Variants in SMC6 observed in about 807,000 individuals in gnomAD.
SMC6 encodes structural maintenance of chromosomes protein 6.
A neutral mutation model predicts 142.2 loss-of-function variants in SMC6; 79 were observed. The ratio of observed to expected loss-of-function variants is 0.56; its 90% confidence interval spans 0.46 to 0.67. The LOEUF (loss-of-function observed/expected upper bound fraction) is 0.67. SMC6 is among the 30% of genes least tolerant of loss of function. The probability of loss-of-function intolerance (pLI) is 0.00; values close to 1 mark genes in which losing one functional copy is unlikely to be tolerated. For synonymous variants in SMC6, 411 were observed against 412.4 expected, an observed-to-expected ratio of 1.00 and a Z score of 0.04; for missense variants, 1,072 against 1,284.0, an observed-to-expected ratio of 0.83 and a Z score of 2.52.
chr2:17,751,749 G>C (rs935462422), intron 2 of SMC6, among the ~76,000 whole-genome samples: 1 of 152,188 alleles, frequency 6.6e-6, no homozygotes, highest in Non-Finnish European at 1.5e-5. Flanking sequence ...TGGACTTATC[G>C]TTGTGTATAA....
chr2:17,676,654 A>G (rs115784441), intron 25 of SMC6, among the ~76,000 whole-genome samples: 488 of 152,216 alleles, frequency 3.2e-3, no homozygotes, highest in African/African-American at 0.011. Flanking sequence ...TTACTTCTTA[A>G]TAATACTGAG....
At chr2:17,683,486 T>C in intron 24 of SMC6, 152 bp downstream of exon 24, 7 of 688,920 alleles carry the variant, frequency 1.0e-5, no homozygotes, top group Non-Finnish European at 1.4e-5. Flanking sequence ...GCCCTTCAGA[T>C]TCGGAATTGT....
chr2:17,707,006 G>A (rs538952598), intron 18 of SMC6, among the ~76,000 whole-genome samples: 2 of 152,168 alleles, frequency 1.3e-5, no homozygotes, highest in Admixed American at 1.3e-4. Context: ...ATACGTTCTG[G>A]ATTATCAGTC....
chr2:17,726,318 A>G, intron 8 of SMC6, 71 bp downstream of exon 8: 1 of 1,184,854 alleles, frequency 8.4e-7, no homozygotes, highest in Non-Finnish European at 1.2e-6. Context: ...TATGTGAGCA[A>G]TAATATTGTT....
At chr2:17,741,556 G>A (rs1006942472) in intron 4 of SMC6, 56 bp downstream of exon 4, 16 of 1,073,250 alleles carry the variant, frequency 1.5e-5, no homozygotes, top group African/African-American at 4.8e-5. Context: ...AAAAGTTAAC[G>A]TACTCTAATC....
chr2:17,710,031 A>C (rs1423691827), intron 16 of SMC6, among the ~76,000 whole-genome samples: 2 of 152,218 alleles, frequency 1.3e-5, no homozygotes, highest in African/African-American at 4.8e-5. Flanking sequence ...TGTGATAAGG[A>C]AAACAGCAAA....
At chr2:17,746,936 A>G (rs1670780885) in intron 2 of SMC6, among the ~76,000 whole-genome samples, 1 of 152,156 alleles carries the variant, frequency 6.6e-6, no homozygotes. Flanking sequence ...CAAATATTAG[A>G]CCACAGCAAC....
intron 7 of SMC6, among the ~76,000 whole-genome samples, chr2:17,727,477 C>A (rs1469077965): frequency 6.7e-6 from 1 of 150,050 alleles, no homozygotes; most frequent in Non-Finnish European, 1.5e-5. Context: ...ACCTTGTGAT[C>A]ATGTGAGTTA....
At chr2:17,696,461 A>T (rs1667991387) in intron 21 of SMC6, 35 bp from the exon 22 acceptor site, 1 of 1,590,304 alleles carries the variant, frequency 6.3e-7, no homozygotes, top group Non-Finnish European at 8.5e-7. Context: ...AGATTGTTTT[A>T]AAAAAATTTC....
intron 4 of SMC6, among the ~76,000 whole-genome samples, chr2:17,739,853 C>G (rs1287517388): frequency 2.1e-5 from 3 of 143,982 alleles, no homozygotes; most frequent in East Asian, 2.1e-4. Context: ...CAGACACACA[C>G]ACACACACAC....
At position 17,728,749 on chromosome 2, in the gene SMC6, C is replaced by T. The variant is rs1353285583; in HGVS notation, c.544-2280G>A. Among the ~76,000 whole-genome samples, 5 of 118,620 alleles carry T rather than the reference C, an allele frequency of 4.2e-5. No homozygotes were observed. The East Asian group carries it at 9.7e-4, about 23-fold the overall frequency. The allele number at this position is 118,620 out of a possible 152,430, so 77.8% of individuals were successfully genotyped here. On this transcript the variant is annotated intron_variant, in intron 7 of 27. Coordinates refer to ENST00000448223, the MANE Select transcript of SMC6 (RefSeq NM_001142286.2). Reference sequence around the variant, plus strand: ...CAAGAAAAATATACGCCAAGTCACACACAATTTTTTTTTTTTTGAAACAGG... The same window carrying T: ...CAAGAAAAATATACGCCAAGTCACATACAATTTTTTTTTTTTTGAAACAGG...
intron 24 of SMC6, among the ~76,000 whole-genome samples, chr2:17,682,773 G>C (rs181104801): frequency 6.6e-6 from 1 of 152,114 alleles, no homozygotes; most frequent in Admixed American, 6.6e-5. Context: ...CCTCAAAAGG[G>C]TAAAAATGGG....
intron 18 of SMC6, among the ~76,000 whole-genome samples, chr2:17,705,310 C>A (rs1383318517): frequency 6.6e-6 from 1 of 151,450 alleles, no homozygotes; most frequent in East Asian, 1.9e-4. Flanking sequence ...GGTGCGGTGG[C>A]TTACCCCTGT....
intron 19 of SMC6, 53 bp downstream of exon 19, chr2:17,703,104 G>A (rs541546209): frequency 2.7e-4 from 295 of 1,111,150 alleles, no homozygotes; most frequent in East Asian, 1.7e-3. Flanking sequence ...AATCAACTTC[G>A]TAGTAGTAAG....
chr2:17,741,002 CCA>C (rs765651700), intron 4 of SMC6, among the ~76,000 whole-genome samples: 2 of 152,166 alleles, frequency 1.3e-5, no homozygotes, highest in Non-Finnish European at 2.9e-5. Context: ...GCATGACTCT[CCA>C]CAGTCAGCTT....
intron 26 of SMC6, among the ~76,000 whole-genome samples, chr2:17,669,122 T>C (rs1325985921): frequency 6.6e-6 from 1 of 151,888 alleles, no homozygotes; most frequent in African/African-American, 2.4e-5. Flanking sequence ...CGGACAGAGG[T>C]CAGACTTGAA....
At chr2:17,738,759 C>A (rs1412725283) in intron 4 of SMC6, among the ~76,000 whole-genome samples, 1 of 152,148 alleles carries the variant, frequency 6.6e-6, no homozygotes, top group East Asian at 1.9e-4. Flanking sequence ...CTCAAGCTAT[C>A]CTCCTGCCTC....
At chr2:17,666,606 G>T in intron 26 of SMC6, 89 bp from the exon 27 acceptor site, 2 of 890,848 alleles carry the variant, frequency 2.2e-6, no homozygotes, top group Non-Finnish European at 3.7e-6. Context: ...CAAGCTCCTG[G>T]ATTTTCATCC....
intron 23 of SMC6, 25 bp from the exon 24 acceptor site, chr2:17,683,788 TA>T: frequency 6.3e-7 from 1 of 1,593,702 alleles, no homozygotes; most frequent in South Asian, 1.1e-5. Context: ...AAATATTACG[TA>T]AAAAATACAC....
Sources: allele counts gnomAD v4.1 joint callset (sites outside exome capture counted in the v4.1 genomes callset), GRCh38; gene constraint gnomAD v4.1.1; transcripts MANE v1.5; gene names NCBI Gene and HGNC (gene_info 2026-07-23, HGNC 2026-07-21).